Variants in SORCS2 observed in about 807,000 individuals in gnomAD.
The protein encoded by SORCS2 is sortilin related VPS10 domain containing receptor 2.
A neutral mutation model predicts 141.6 loss-of-function variants in SORCS2; 100 were observed. The ratio of observed to expected loss-of-function variants is 0.71; its 90% confidence interval spans 0.60 to 0.83. SORCS2 has a LOEUF of 0.83. Ranked by LOEUF, SORCS2 falls within the 40% of genes least tolerant of loss-of-function variation. The probability of loss-of-function intolerance (pLI) is 0.00; values close to 1 mark genes in which losing one functional copy is unlikely to be tolerated. For missense variants in SORCS2, 1,646 were observed against 1,560.2 expected (o/e 1.05, Z -0.93); for synonymous variants, 789 against 676.9 (o/e 1.17, Z -2.57).
In SORCS2 at chr4:7,537,969, C is replaced by T. The variant is rs191085911; in HGVS notation, c.648+6340C>T. Among the ~76,000 whole-genome samples the T allele has an allele frequency of 2.6e-5, 4 of 152,246 alleles. No individual in the cohort carries two copies. In the East Asian group the frequency reaches 7.7e-4, roughly 29 times the overall value. ...CCACTACACTCCAGGTTGGGCGACA[C>T]AGTGAGACACTGTCTCAAAAGAAAG... On this transcript the variant is annotated intron_variant, in intron 3 of 26. Transcript: ENST00000507866.
At chr4:7,480,736 G>A (rs545566960) in intron 2 of SORCS2, among the ~76,000 whole-genome samples, 41 of 152,212 alleles carry the variant, frequency 2.7e-4, no homozygotes, top group African/African-American at 4.3e-4. Flanking sequence ...GGCGCTGACC[G>A]TGCAGACGCA....
intron 1 of SORCS2, among the ~76,000 whole-genome samples, chr4:7,335,548 G>C (rs1357340387): frequency 6.6e-6 from 1 of 152,122 alleles, no homozygotes; most frequent in African/African-American, 2.4e-5. Flanking sequence ...CTCATCTGTC[G>C]GGGCACCCGA....
intron 1 of SORCS2, among the ~76,000 whole-genome samples, chr4:7,236,937 G>T (rs1227245469): frequency 6.6e-6 from 1 of 152,222 alleles, no homozygotes; most frequent in Non-Finnish European, 1.5e-5. Flanking sequence ...TTATTTTCCA[G>T]ATGGAGACCT....
chr4:7,453,734 A>T (rs1326720036), intron 2 of SORCS2, among the ~76,000 whole-genome samples: 12 of 61,584 alleles, frequency 1.9e-4, no homozygotes, highest in East Asian at 5.6e-4. Context: ...TGGGGTCAGG[A>T]GCTGTGTGTT....
At chr4:7,606,600 G>A (rs555259273) in intron 3 of SORCS2, among the ~76,000 whole-genome samples, 62 of 152,166 alleles carry the variant, frequency 4.1e-4, no homozygotes, top group Middle Eastern at 6.8e-3. Context: ...TGCGTCCTGT[G>A]CCTTGAGGGC....
At chr4:7,725,131 C>G in intron 19 of SORCS2, 23 bp from the exon 20 acceptor site, 1 of 1,610,062 alleles carries the variant, frequency 6.2e-7, no homozygotes. Context: ...TCATCTAACC[C>G]TGGCCTTTTT....
At chr4:7,290,796 T>TTTCATTCA (rs3031021) in intron 1 of SORCS2, among the ~76,000 whole-genome samples, 75,216 of 151,280 alleles carry the variant, frequency 0.5, 20,902 homozygotes, top group Non-Finnish European at 0.63. Context: ...GGCTGCATTC[T>TTTCATTCA]TTCATTCATT....
intron 2 of SORCS2, among the ~76,000 whole-genome samples, chr4:7,528,587 G>A (rs150177019): frequency 0.017 from 2,626 of 152,122 alleles, 83 homozygotes; most frequent in African/African-American, 0.059. Context: ...CACCTCGCCC[G>A]GCCAATTTTT....
At chr4:7,491,860 G>C (rs181959859) in intron 2 of SORCS2, among the ~76,000 whole-genome samples, 1,534 of 152,296 alleles carry the variant, frequency 0.01, 7 homozygotes, top group Non-Finnish European at 0.017. Flanking sequence ...TGCCACAGTG[G>C]CTGTCCAGGG....
intron 2 of SORCS2, among the ~76,000 whole-genome samples, chr4:7,513,339 C>CA (rs1165724857): frequency 5.9e-5 from 9 of 152,154 alleles, no homozygotes; most frequent in African/African-American, 2.2e-4. Context: ...CACCTGCCCC[C>CA]CAACCCTGCA....
intron 2 of SORCS2, among the ~76,000 whole-genome samples, chr4:7,492,418 G>A (rs1281341488): frequency 2.6e-5 from 4 of 152,194 alleles, no homozygotes; most frequent in South Asian, 2.1e-4. Context: ...TCCCTTCTTC[G>A]TAAAGGCTGA....
intron 1 of SORCS2, among the ~76,000 whole-genome samples, chr4:7,278,191 C>T (rs375107331): frequency 5.3e-4 from 81 of 152,258 alleles, no homozygotes; most frequent in African/African-American, 1.7e-3. Flanking sequence ...TCATCAATAG[C>T]GTGTAAGTCC....
chr4:7,650,166 G>A (rs1721339310), intron 4 of SORCS2, among the ~76,000 whole-genome samples: 1 of 152,220 alleles, frequency 6.6e-6, no homozygotes, highest in East Asian at 1.9e-4. Flanking sequence ...TTCAAGTGCA[G>A]GTCTGACAGG....
At chr4:7,532,957 A>C (rs1390157318) in intron 3 of SORCS2, among the ~76,000 whole-genome samples, 1 of 151,904 alleles carries the variant, frequency 6.6e-6, no homozygotes, top group Non-Finnish European at 1.5e-5. Context: ...CGCCTGCTGG[A>C]AGGCCATGTC....
chr4:7,265,111 C>T (rs987731473), intron 1 of SORCS2, among the ~76,000 whole-genome samples: 2 of 152,192 alleles, frequency 1.3e-5, no homozygotes, highest in East Asian at 1.9e-4. Context: ...GTTAATGTCC[C>T]GTGGCTGCCG....
intron 1 of SORCS2, among the ~76,000 whole-genome samples, chr4:7,243,582 G>A (rs543705873): frequency 1.3e-5 from 2 of 152,166 alleles, no homozygotes; most frequent in Non-Finnish European, 1.5e-5. Context: ...GATGACACCC[G>A]TGAAACACCG....
chr4:7,446,749 T>A (rs1728028293), intron 2 of SORCS2, among the ~76,000 whole-genome samples: 1 of 152,140 alleles, frequency 6.6e-6, no homozygotes, highest in African/African-American at 2.4e-5. Flanking sequence ...GTGCCAGGCA[T>A]CCCTTAGCAG....
intron 2 of SORCS2, among the ~76,000 whole-genome samples, chr4:7,460,987 G>A (rs1028027474): frequency 2.6e-5 from 4 of 151,976 alleles, no homozygotes; most frequent in African/African-American, 7.3e-5. Context: ...CATCATCCTC[G>A]TGCTGCTCCT....
rs1399446613 is a variant in SORCS2, at chr4:7,481,291, G to T, written c.549-50239G>T. Among the ~76,000 whole-genome samples, 4 of 152,262 alleles carry T rather than the reference G, an allele frequency of 2.6e-5. No individual in the cohort carries two copies. The East Asian group carries it at 7.7e-4, about 29-fold the overall frequency. On this transcript the variant is annotated intron_variant, in intron 2 of 26. Transcript: ENST00000507866. ...CCACTCATTGTGCTCACCACACAGG[G>T]GTCTTCGCTGCACAGGGATGGCACA...
Sources: allele counts gnomAD v4.1 joint callset (sites outside exome capture counted in the v4.1 genomes callset), GRCh38; gene constraint gnomAD v4.1.1; transcripts MANE v1.5; gene names NCBI Gene and HGNC (gene_info 2026-07-23, HGNC 2026-07-21).